The following CTNNA3 variants were observed in gnomAD, a reference collection of about 807,000 sequenced individuals.
CTNNA3 encodes the protein catenin alpha-3.
In CTNNA3, 76 loss-of-function variants were observed where a neutral mutation model predicts 95.7. The observed-to-expected ratio is 0.79, with a 90% CI of 0.66 to 0.96. The LOEUF is 0.96. Ranked by LOEUF, CTNNA3 falls within the 40% of genes least tolerant of loss-of-function variation. The probability of loss-of-function intolerance (pLI) is 0.00; values close to 1 mark genes in which losing one functional copy is unlikely to be tolerated. For missense variants in CTNNA3, 1,191 were observed against 1,089.8 expected (o/e 1.09, Z -1.31); for synonymous variants, 431 against 374.4 (o/e 1.15, Z -1.74).
At position 67,185,192 on chromosome 10, in the gene CTNNA3, G is replaced by A. The variant is rs537241365; in HGVS notation, c.844-4672C>T. On this transcript the variant is annotated intron_variant, in intron 6 of 17. Transcript: ENST00000433211. ...TTGCCAGGCTTGAGTGCAGTGGCGC[G>A]ATCTCGGCTCACTGCAACCTCTACC... 4.0e-5 allele frequency among the ~76,000 whole-genome samples: 6 copies of A among 151,724 alleles called. No homozygotes were observed. The East Asian group carries it at 5.8e-4, about 15-fold the overall frequency.
intron 13 of CTNNA3, among the ~76,000 whole-genome samples, chr10:66,263,892 A>T (rs2091079583): frequency 2.0e-5 from 3 of 151,738 alleles, no homozygotes; most frequent in Admixed American, 1.3e-4. Flanking sequence ...TATTGTGCAC[A>T]ATTTAAATAC....
intron 13 of CTNNA3, among the ~76,000 whole-genome samples, chr10:66,266,105 G>GAGGA (rs201574722): frequency 5.4e-5 from 8 of 149,426 alleles, no homozygotes; most frequent in Middle Eastern, 3.4e-3. Flanking sequence ...GAAAGAGAGG[G>GAGGA]AGGAAGGAAG....
intron 9 of CTNNA3, among the ~76,000 whole-genome samples, chr10:66,762,622 T>A (rs539135356): frequency 6.6e-6 from 1 of 151,322 alleles, no homozygotes; most frequent in Middle Eastern, 3.4e-3. Flanking sequence ...GGAACAGGCA[T>A]GTTCAGACCA....
intron 17 of CTNNA3, among the ~76,000 whole-genome samples, chr10:65,956,870 T>C (rs1313177520): frequency 6.6e-6 from 1 of 152,194 alleles, no homozygotes; most frequent in Non-Finnish European, 1.5e-5. Context: ...TTCTATTGAT[T>C]TGGGGTGGAG....
chr10:67,638,418 T>A (rs532706697), intron 2 of CTNNA3, among the ~76,000 whole-genome samples: 4 of 152,244 alleles, frequency 2.6e-5, no homozygotes, highest in East Asian at 1.9e-4. Context: ...TGGGAGACTT[T>A]AACACCCCAC....
rs562077780 is a variant in CTNNA3, at chr10:66,483,904, A to C, written c.1531+36713T>G. 7.0e-4 allele frequency among the ~76,000 whole-genome samples: 107 copies of C among 152,298 alleles called. 1 individual carries two copies. Among genetic ancestry groups the C allele is most frequent in the African/African-American group, 2.4e-3 (100 of 41,574 alleles). ...AACTTAAAAAAATAAGATCTATCTGAAAAAGTCACTATGATATTAAAGACT... is the reference window on the plus strand; with the variant it reads ...AACTTAAAAAAATAAGATCTATCTGCAAAAGTCACTATGATATTAAAGACT... On this transcript the variant is annotated intron_variant, in intron 11 of 17. Transcript: ENST00000433211.
chr10:65,917,462 T>TTTTC lies in CTNNA3; in HGVS notation c.*2867_*2868insGAAA, dbSNP rs2077021282. ...GGCCATTTAGTGGATTATTATTTCGTTTTTTTTTAAATTTTCATTCTAATT... is the reference window on the plus strand; with the variant it reads ...GGCCATTTAGTGGATTATTATTTCGTTTTCTTTTTTTTAAATTTTCATTCTAATT... On this transcript the variant is annotated 3_prime_UTR_variant, in exon 18 of 18. Transcript: ENST00000433211. 1.5e-4 allele frequency: 1 copy of TTTTC among 6,790 alleles called. No homozygotes were observed. Among genetic ancestry groups the TTTTC allele is most frequent in the Non-Finnish European group, 2.6e-4 (1 of 3,880 alleles). 0.4% of individuals were successfully genotyped at this position (6,790 alleles called of 1,614,324 possible).
At chr10:67,744,191 G>C (rs1351497540) in intron 1 of CTNNA3, among the ~76,000 whole-genome samples, 12 of 151,046 alleles carry the variant, frequency 7.9e-5, no homozygotes, top group Non-Finnish European at 1.3e-4. Flanking sequence ...GCCCGCATCA[G>C]CAAGTCAGTC....
At chr10:66,711,935 A>G (rs1001226093) in intron 9 of CTNNA3, among the ~76,000 whole-genome samples, 1 of 151,836 alleles carries the variant, frequency 6.6e-6, no homozygotes, top group African/African-American at 2.4e-5. Context: ...TGAAGTTTTT[A>G]CTCTTTCTTT....
intron 14 of CTNNA3, among the ~76,000 whole-genome samples, chr10:66,088,484 T>TG (rs2081071159): frequency 2.5e-5 from 3 of 122,204 alleles, no homozygotes; most frequent in Non-Finnish European, 5.1e-5. Context: ...AGGTAGGTGT[T>TG]TTGTGTGTGT....
intron 17 of CTNNA3, among the ~76,000 whole-genome samples, chr10:65,922,160 A>T (rs2077097332): frequency 6.6e-6 from 1 of 152,164 alleles, no homozygotes; most frequent in South Asian, 2.1e-4. Flanking sequence ...CTCCAAGAAT[A>T]TCCTACTTCC....
chr10:67,268,710 T>C (rs1294306609), intron 5 of CTNNA3, among the ~76,000 whole-genome samples: 3 of 152,324 alleles, frequency 2.0e-5, no homozygotes, highest in East Asian at 1.9e-4. Context: ...ATTAAACATT[T>C]TGAATTCAAT....
intron 5 of CTNNA3, among the ~76,000 whole-genome samples, chr10:67,458,086 C>A (rs887817246): frequency 6.6e-6 from 1 of 152,038 alleles, no homozygotes; most frequent in Non-Finnish European, 1.5e-5. Flanking sequence ...GTATATAAAG[C>A]AGTTGGCATG....
chr10:66,526,856 T>C (rs1466757615), intron 10 of CTNNA3, among the ~76,000 whole-genome samples: 4 of 152,184 alleles, frequency 2.6e-5, no homozygotes, highest in Non-Finnish European at 5.9e-5. Flanking sequence ...TGATCATATA[T>C]ATGATTTGTA....
chr10:67,112,888 A>G (rs938625075), intron 7 of CTNNA3, among the ~76,000 whole-genome samples: 2 of 152,134 alleles, frequency 1.3e-5, no homozygotes, highest in Non-Finnish European at 2.9e-5. Context: ...TTTAAAAAAA[A>G]ACATGTGAGT....
intron 9 of CTNNA3, among the ~76,000 whole-genome samples, chr10:66,719,482 C>T (rs191013045): frequency 1.6e-4 from 25 of 152,246 alleles, no homozygotes; most frequent in Non-Finnish European, 2.8e-4. Flanking sequence ...TTAGTATCAG[C>T]CTGCAGTAAA....
intron 5 of CTNNA3, among the ~76,000 whole-genome samples, chr10:67,484,850 T>C (rs1848383923): frequency 6.6e-6 from 1 of 152,152 alleles, no homozygotes; most frequent in Non-Finnish European, 1.5e-5. Context: ...AAAAAGGGGA[T>C]GCTTATATAT....
At chr10:66,609,862 T>C (rs543666223) in intron 10 of CTNNA3, among the ~76,000 whole-genome samples, 28 of 152,152 alleles carry the variant, frequency 1.8e-4, no homozygotes, top group South Asian at 8.3e-4. Context: ...TGTCCATCAA[T>C]TGGCAGACTG....
At chr10:66,388,639 T>C (rs987305803) in intron 11 of CTNNA3, among the ~76,000 whole-genome samples, 5 of 151,940 alleles carry the variant, frequency 3.3e-5, no homozygotes, top group African/African-American at 7.3e-5. Flanking sequence ...GATATGGAAA[T>C]AAAAGTCTTA....
Sources: gnomAD v4.1 joint callset for allele counts (sites outside exome capture counted in the v4.1 genomes callset) on GRCh38, gnomAD v4.1.1 for gene constraint, MANE v1.5 for transcripts, NCBI Gene and HGNC (gene_info 2026-07-23, HGNC 2026-07-21) for gene names.